TIAM1: variants seen among roughly 807,000 people sequenced by gnomAD.
TIAM1 encodes rho guanine nucleotide exchange factor TIAM1.
TIAM1 carries 65 observed loss-of-function variants against 163.5 expected under a neutral mutation model. The observed-to-expected ratio is 0.40, with a 90% confidence interval of 0.33 to 0.49. The LOEUF (loss-of-function observed/expected upper bound fraction) is 0.49. TIAM1 is among the 20% of genes least tolerant of loss of function. The pLI is 0.77. For synonymous variants in TIAM1, 833 were observed against 810.1 expected (o/e 1.03, Z -0.48); for missense variants, 1,789 against 2,044.7 (o/e 0.87, Z 2.41).
At chr21:31,546,355 G>C (rs1182820017) in intron 1 of TIAM1, among the ~76,000 whole-genome samples, 1 of 151,990 alleles carries the variant, frequency 6.6e-6, no homozygotes, top group Non-Finnish European at 1.5e-5. Context: ...TTCGAGACCA[G>C]CCTGGCCAAC....
At chr21:31,224,708 T>G (rs536598014) in intron 7 of TIAM1, among the ~76,000 whole-genome samples, 2 of 152,336 alleles carry the variant, frequency 1.3e-5, no homozygotes, top group South Asian at 4.1e-4. Context: ...TTTTACATTG[T>G]GTGAATTTTG....
At chr21:31,123,863 G>A (rs2082087477) in intron 27 of TIAM1, 1 of 152,120 alleles carries the variant, frequency 6.6e-6, no homozygotes, top group Non-Finnish European at 1.5e-5. Context: ...TTTCTCTATT[G>A]CTCCACTGTA....
intron 2 of TIAM1, among the ~76,000 whole-genome samples, chr21:31,327,081 A>G (rs756901923): frequency 6.6e-6 from 1 of 152,236 alleles, no homozygotes; most frequent in Non-Finnish European, 1.5e-5. Context: ...TTCAGAACTA[A>G]AACCCCAGAG....
At chr21:31,186,449 G>A (rs8132515) in intron 14 of TIAM1, among the ~76,000 whole-genome samples, 5,269 of 152,120 alleles carry the variant, frequency 0.035, 321 homozygotes, top group African/African-American at 0.12. Context: ...GGAGAAGGAC[G>A]ACCACATGAT....
At chr21:31,382,960 C>T (rs1232600357) in intron 2 of TIAM1, among the ~76,000 whole-genome samples, 2 of 152,140 alleles carry the variant, frequency 1.3e-5, no homozygotes, top group African/African-American at 4.8e-5. Context: ...AAAACATAGG[C>T]CAGGCGTGGT....
Position 31,491,894 on chromosome 21 carries a change from G to A in TIAM1, c.-421-27859C>T, listed in dbSNP as rs145432731. ...ATCTTGTTAAAGATAAGAATTTCAC[G>A]TAGGACTCTCCATGCTTAGGAAACA... On this transcript the variant is annotated intron_variant, in intron 1 of 28. Coordinates refer to the TIAM1 transcript ENST00000286827. Among the ~76,000 whole-genome samples the A allele has an allele frequency of 3.1e-3, 473 of 152,262 alleles. 1 individual carries two copies. The highest frequency in any genetic ancestry group is 9.5e-3 in the African/African-American group (394 of 41,542).
At chr21:31,301,906 T>C (rs1478590402) in intron 2 of TIAM1, among the ~76,000 whole-genome samples, 2 of 149,044 alleles carry the variant, frequency 1.3e-5, no homozygotes, top group Non-Finnish European at 3.0e-5. Context: ...AATGTGTGTG[T>C]ATATATACGT....
At chr21:31,130,854 T>G in intron 24 of TIAM1, 36 bp downstream of exon 24, 3 of 1,589,988 alleles carry the variant, frequency 1.9e-6, no homozygotes, top group Non-Finnish European at 2.6e-6. Context: ...GATAGAGAAA[T>G]AGTTTCAAAC....
In TIAM1 at chr21:31,333,274, G is replaced by A. The variant is rs111649174; in HGVS notation, c.-189+5969C>T. 5.4e-3 allele frequency among the ~76,000 whole-genome samples: 816 copies of A among 152,044 alleles called. 6 individuals are homozygous for A. Among genetic ancestry groups the A allele is most frequent in the Non-Finnish European group, 9.4e-3 (642 of 67,984 alleles). On this transcript the variant is annotated intron_variant, in intron 2 of 27. Transcript: ENST00000541036. ...AGGCACTTTACTTCTCTCCAACTCC[G>A]TTTTTTTCAGCAGTAAAACTGGAAT...
intron 2 of TIAM1, among the ~76,000 whole-genome samples, chr21:31,422,614 C>T (rs1280475431): frequency 1.3e-5 from 2 of 152,166 alleles, no homozygotes; most frequent in Non-Finnish European, 2.9e-5. Context: ...TATCCAGCAA[C>T]CCAAAACCAG....
At chr21:31,251,683 C>A in intron 5 of TIAM1, 59 bp downstream of exon 5, 1 of 1,497,724 alleles carries the variant, frequency 6.7e-7, no homozygotes, top group Non-Finnish European at 9.0e-7. Context: ...TGAGTATGTG[C>A]ACAACGGGGC....
intron 1 of TIAM1, among the ~76,000 whole-genome samples, chr21:31,500,029 G>C (rs1312291964): frequency 6.6e-6 from 1 of 151,890 alleles, no homozygotes; most frequent in East Asian, 1.9e-4. Flanking sequence ...AGCTGGGCAT[G>C]GTGGCGGGCA....
At chr21:31,304,741 C>G (rs1289152213) in intron 2 of TIAM1, among the ~76,000 whole-genome samples, 1 of 152,156 alleles carries the variant, frequency 6.6e-6, no homozygotes, top group Non-Finnish European at 1.5e-5. Context: ...AGTGCAGTGA[C>G]ACACCCAGTG....
intron 2 of TIAM1, among the ~76,000 whole-genome samples, chr21:31,369,325 C>T (rs1421402088): frequency 5.3e-5 from 8 of 152,000 alleles, no homozygotes; most frequent in African/African-American, 1.9e-4. Context: ...GTCTCAATGT[C>T]TGTGTGCCCT....
chr21:31,313,677 C>A (rs372049459), intron 2 of TIAM1, among the ~76,000 whole-genome samples: 1 of 152,144 alleles, frequency 6.6e-6, no homozygotes, highest in Non-Finnish European at 1.5e-5. Flanking sequence ...CAGGTTCAAC[C>A]GATTCTCCTG....
intron 1 of TIAM1, among the ~76,000 whole-genome samples, chr21:31,541,766 T>C (rs921324623): frequency 2.6e-5 from 4 of 152,210 alleles, no homozygotes; most frequent in Non-Finnish European, 5.9e-5. Flanking sequence ...ACCAATGTGT[T>C]CCTATCCTAG....
At chr21:31,180,833 G>T (rs1334872269) in intron 15 of TIAM1, among the ~76,000 whole-genome samples, 1 of 152,194 alleles carries the variant, frequency 6.6e-6, no homozygotes, top group African/African-American at 2.4e-5. Context: ...TTGGGATGTG[G>T]GGACCACAAT....
intron 2 of TIAM1, among the ~76,000 whole-genome samples, chr21:31,401,221 AT>A (rs887343942): frequency 2.6e-5 from 4 of 152,220 alleles, no homozygotes; most frequent in African/African-American, 7.2e-5. Context: ...GAATGAAAGT[AT>A]TTTTTAAACT....
At chr21:31,439,827 T>C (rs1436188794) in intron 2 of TIAM1, among the ~76,000 whole-genome samples, 2 of 152,194 alleles carry the variant, frequency 1.3e-5, no homozygotes, top group African/African-American at 4.8e-5. Flanking sequence ...AACCACTTTC[T>C]GCTGAACCAT....
Sources: allele counts gnomAD v4.1 joint callset (sites outside exome capture counted in the v4.1 genomes callset), GRCh38; gene constraint gnomAD v4.1.1; transcripts MANE v1.5; gene names NCBI Gene and HGNC (gene_info 2026-07-23, HGNC 2026-07-21).